Variants in SMG7 observed in about 807,000 individuals in gnomAD.
SMG7 encodes nonsense-mediated mRNA decay factor SMG7.
A neutral mutation model predicts 148.2 loss-of-function variants in SMG7; 34 were observed. That is an observed-to-expected ratio of 0.23 (90% confidence interval 0.17 to 0.31). The LOEUF is 0.31. SMG7 is among the 10% of genes least tolerant of loss of function. The pLI is 1.00. For synonymous variants in SMG7, 492 were observed against 515.1 expected (o/e 0.96, Z 0.61); for missense variants, 1,114 against 1,408.4 (o/e 0.79, Z 3.35).
At chr1:183,511,283 G>A (rs760063328) in intron 1 of SMG7, among the ~76,000 whole-genome samples, 2 of 152,176 alleles carry the variant, frequency 1.3e-5, no homozygotes, top group Non-Finnish European at 2.9e-5. Flanking sequence ...GTTGTGATGA[G>A]CATTCTTAAA....
intron 6 of SMG7, 89 bp downstream of exon 6, chr1:183,528,116 T>C (rs887720648): frequency 3.5e-6 from 3 of 868,632 alleles, no homozygotes; most frequent in Admixed American, 2.8e-5. Context: ...CTTTGAAGTT[T>C]TATGAAAGCA....
rs1671365916 is a variant in SMG7, at chr1:183,553,429, G to C, written c.*1498G>C. The C allele has an allele frequency of 1.8e-5, 9 of 512,840 alleles. No individual in the cohort carries two copies. Among genetic ancestry groups the C allele is most frequent in the South Asian group, 1.7e-4 (8 of 46,718 alleles). 31.8% of individuals were successfully genotyped at this position (512,840 alleles called of 1,614,324 possible). On this transcript the variant is annotated 3_prime_UTR_variant, in exon 23 of 23. Transcript: ENST00000688051. ...GTGTACACACACGTGCCCATCTGCT[G>C]TCCCAGAGGGGAGGGGTTGTGTGTG...
At chr1:183,551,771 C>A in intron 22 of SMG7, 47 bp from the exon 23 acceptor site, 2 of 1,449,138 alleles carry the variant, frequency 1.4e-6, no homozygotes, top group Non-Finnish European at 1.9e-6. Context: ...CCCTTTCAGA[C>A]AACTTGGCAT....
chr1:183,536,121 T>A (rs191041472), intron 10 of SMG7, among the ~76,000 whole-genome samples: 1 of 152,120 alleles, frequency 6.6e-6, no homozygotes, highest in Admixed American at 6.5e-5. Context: ...TCTTTTTCTT[T>A]CTTTCTTTTT....
chr1:183,487,815 T>A (rs887561803), intron 1 of SMG7, among the ~76,000 whole-genome samples: 2 of 152,206 alleles, frequency 1.3e-5, no homozygotes, highest in African/African-American at 4.8e-5. Context: ...GGTAAATATA[T>A]AATGGGAAGC....
At chr1:183,549,365 T>C in intron 19 of SMG7, 77 bp downstream of exon 19, 2 of 1,060,796 alleles carry the variant, frequency 1.9e-6, no homozygotes, top group Non-Finnish European at 2.9e-6. Flanking sequence ...TGTTTCAGTA[T>C]GTCTGTTTTT....
At chr1:183,488,682 C>CCTTTT (rs1656125887) in intron 1 of SMG7, among the ~76,000 whole-genome samples, 2 of 75,092 alleles carry the variant, frequency 2.7e-5, no homozygotes, top group African/African-American at 1.0e-4. Flanking sequence ...GTTTATAAGG[C>CCTTTT]TTTTTTTTTT....
chr1:183,513,071 T>G lies in SMG7; in HGVS notation c.61+203T>G, dbSNP rs1662555772. On this transcript the variant is annotated intron_variant, in intron 2 of 22. Transcript: ENST00000688051. ...AACTGTTGGGAATTGCATGTAATAC[T>G]AATATATGGTATACTGAATTGAATG... 4 of 515,648 alleles carry G rather than the reference T, an allele frequency of 7.8e-6. No homozygotes were observed. The South Asian group carries it at 1.4e-4, about 18-fold the overall frequency. The allele number at this position is 515,648 out of a possible 1,614,324, so 31.9% of individuals were successfully genotyped here.
intron 11 of SMG7, among the ~76,000 whole-genome samples, chr1:183,537,584 C>T (rs958560269): frequency 3.9e-5 from 6 of 152,174 alleles, no homozygotes; most frequent in African/African-American, 1.4e-4. Flanking sequence ...ACAAATCTCC[C>T]ATACAGAGAT....
In SMG7 at chr1:183,552,602, C is replaced by A; in HGVS notation, c.*671C>A. The A allele has an allele frequency of 9.8e-7, 1 of 1,023,486 alleles. No homozygotes were observed. The highest frequency in any genetic ancestry group is 1.2e-6 in the Non-Finnish European group (1 of 852,630). 63.4% of individuals were successfully genotyped at this position (1,023,486 alleles called of 1,614,324 possible). On this transcript the variant is annotated 3_prime_UTR_variant, in exon 23 of 23. Coordinates refer to ENST00000688051, the MANE Select transcript of SMG7 (RefSeq NM_001375584.1). ...TCAGAAGGCTCTGGTAGGCCTTCCT[C>A]TGGCCAGGAGACTCCAGCAGGGAAT...
chr1:183,505,822 C>G (rs1227517597), intron 1 of SMG7, among the ~76,000 whole-genome samples: 1 of 152,200 alleles, frequency 6.6e-6, no homozygotes, highest in Non-Finnish European at 1.5e-5. Flanking sequence ...TTTCTTTTGG[C>G]TTAACTTACC....
Position 183,553,720 on chromosome 1 carries a change from GA to G in SMG7, c.*1792del, listed in dbSNP as rs1671438790. 6.5e-6 allele frequency: 1 copy of G among 153,484 alleles called. No homozygotes were observed. Among genetic ancestry groups the G allele is most frequent in the South Asian group, 2.0e-4 (1 of 4,950 alleles). 9.5% of individuals were successfully genotyped at this position (153,484 alleles called of 1,614,324 possible). A position where few individuals can be genotyped will look rare whatever the true frequency, so the allele number is the denominator to read the frequency against. ...GAAGCCCCCTACCCAATGGCAATATGAAACCTTTTGTGCTTCTCTTCAGCCC... is the reference window on the plus strand; with the variant it reads ...GAAGCCCCCTACCCAATGGCAATATGAACCTTTTGTGCTTCTCTTCAGCCC... On this transcript the variant is annotated 3_prime_UTR_variant, in exon 23 of 23. Coordinates refer to ENST00000688051, the MANE Select transcript of SMG7 (RefSeq NM_001375584.1).
At chr1:183,543,227 A>G (rs541241328) in intron 14 of SMG7, among the ~76,000 whole-genome samples, 6 of 152,284 alleles carry the variant, frequency 3.9e-5, no homozygotes, top group Non-Finnish European at 7.4e-5. Flanking sequence ...TATTAATACT[A>G]TTAATGTTTG....
Position 183,549,871 on chromosome 1 carries a change from G to T in SMG7, c.3081G>T (p.Leu1027=). The change falls in exon 20 of 23, where the codon CTG becomes CTT. Residue 1027 remains leucine (L), a synonymous_variant. Coordinates refer to ENST00000688051, the MANE Select transcript of SMG7 (RefSeq NM_001375584.1). ...SPSMAPQETS[L]YSLFEGTPWS... ...CAATGGCCCCCCAGGAAACATCTCT[G>T]TATTCCCTTTTTGAAGGGACTCCGT... The T allele has an allele frequency of 1.2e-6, 2 of 1,613,920 alleles. No homozygotes were observed. The highest frequency in any genetic ancestry group is 1.7e-6 in the Non-Finnish European group (2 of 1,179,878).
At chr1:183,474,701 AGTT>A (rs1651698150) in intron 1 of SMG7, among the ~76,000 whole-genome samples, 1 of 152,094 alleles carries the variant, frequency 6.6e-6, no homozygotes, top group East Asian at 1.9e-4. Flanking sequence ...ATGATTCATT[AGTT>A]GTTTTGTTGA....
At chr1:183,519,939 G>A (rs1664400060) in intron 4 of SMG7, among the ~76,000 whole-genome samples, 2 of 151,972 alleles carry the variant, frequency 1.3e-5, no homozygotes, top group Middle Eastern at 3.4e-3. Flanking sequence ...TTTCCCAAAA[G>A]TTCATCATTT....
intron 20 of SMG7, among the ~76,000 whole-genome samples, 157 bp from the exon 21 acceptor site, chr1:183,550,594 C>T (rs527438308): frequency 3.3e-5 from 5 of 152,306 alleles, no homozygotes; most frequent in African/African-American, 1.2e-4. Context: ...ATTAGTGCAT[C>T]TAGCAGATCT....
At position 183,518,804 on chromosome 1, in the gene SMG7, A is replaced by C. The variant is rs1303003494; in HGVS notation, c.312+984A>C. 2.6e-5 allele frequency: 4 copies of C among 152,338 alleles called. 1 individual carries two copies. In the Middle Eastern group the frequency reaches 0.014, roughly 518 times the overall value. 9.4% of individuals were successfully genotyped at this position (152,338 alleles called of 1,614,324 possible). A position where few individuals can be genotyped will look rare whatever the true frequency, so the allele number is the denominator to read the frequency against. ...TAATTAACAAAATTTTTGTATATAA[A>C]TTAGTATCTTATAATGAATGTTAAG... On this transcript the variant is annotated intron_variant, in intron 4 of 22. Transcript: ENST00000688051.
intron 22 of SMG7, 147 bp downstream of exon 22, chr1:183,551,337 C>T: frequency 1.4e-6 from 1 of 710,870 alleles, no homozygotes; most frequent in Non-Finnish European, 2.2e-6. Context: ...ACATGGTCTG[C>T]CTTACAAGAT....
Sources: allele counts gnomAD v4.1 joint callset (sites outside exome capture counted in the v4.1 genomes callset), GRCh38; gene constraint gnomAD v4.1.1; transcripts MANE v1.5; gene names NCBI Gene and HGNC (gene_info 2026-07-23, HGNC 2026-07-21).